ST6GALNAC3: variants seen among roughly 807,000 people sequenced by gnomAD.
The protein encoded by ST6GALNAC3 is ST6 N-acetylgalactosaminide alpha-2,6-sialyltransferase 3.
ST6GALNAC3 carries 25 observed loss-of-function variants against 32.7 expected under a neutral mutation model. The observed-to-expected ratio is 0.76, with a 90% CI of 0.56 to 1.07. ST6GALNAC3 has a LOEUF of 1.07. ST6GALNAC3 is among the 50% of genes least tolerant of loss of function. ST6GALNAC3 has a pLI of 0.00. For synonymous variants in ST6GALNAC3, 129 were observed against 133.1 expected (o/e 0.97, Z 0.21); for missense variants, 355 against 382.4 (o/e 0.93, Z 0.60).
chr1:76,526,037 G>T (rs1277842714), intron 3 of ST6GALNAC3, among the ~76,000 whole-genome samples: 2 of 151,416 alleles, frequency 1.3e-5, no homozygotes, highest in East Asian at 3.9e-4. Context: ...CAGAAAGAGA[G>T]GCTTGATCTT....
At chr1:76,151,360 A>G (rs1651028747) in intron 1 of ST6GALNAC3, among the ~76,000 whole-genome samples, 1 of 152,204 alleles carries the variant, frequency 6.6e-6, no homozygotes, top group African/African-American at 2.4e-5. Context: ...TACTTTCTAC[A>G]TCACAGGCGT....
chr1:76,472,767 T>C (rs574078800), intron 3 of ST6GALNAC3, among the ~76,000 whole-genome samples: 97 of 152,212 alleles, frequency 6.4e-4, no homozygotes, highest in African/African-American at 2.3e-3. Flanking sequence ...TTGGTGCACG[T>C]GCGAAGACAG....
chr1:76,114,724 C>T (rs1363840569), intron 1 of ST6GALNAC3, among the ~76,000 whole-genome samples: 2 of 151,994 alleles, frequency 1.3e-5, no homozygotes, highest in East Asian at 3.9e-4. Context: ...GCCTGGCCAA[C>T]GTGGTGAAAC....
chr1:76,296,419 C>T (rs1346944146), intron 1 of ST6GALNAC3, among the ~76,000 whole-genome samples: 1 of 152,116 alleles, frequency 6.6e-6, no homozygotes, highest in Non-Finnish European at 1.5e-5. Flanking sequence ...GTCTTTGGGT[C>T]ACCCCATTGA....
At chr1:76,134,704 A>G (rs996838600) in intron 1 of ST6GALNAC3, among the ~76,000 whole-genome samples, 1 of 152,124 alleles carries the variant, frequency 6.6e-6, no homozygotes, top group African/African-American at 2.4e-5. Flanking sequence ...CTGCATGGGT[A>G]GTGTTTTACC....
chr1:76,181,592 T>C (rs1342205533), intron 1 of ST6GALNAC3, among the ~76,000 whole-genome samples: 2 of 152,234 alleles, frequency 1.3e-5, no homozygotes, highest in Non-Finnish European at 2.9e-5. Context: ...ATGTGCCTTA[T>C]TACCATGTGT....
At chr1:76,314,351 A>G (rs990536184) in intron 2 of ST6GALNAC3, among the ~76,000 whole-genome samples, 1 of 152,092 alleles carries the variant, frequency 6.6e-6, no homozygotes, top group African/African-American at 2.4e-5. Flanking sequence ...CTGTAGGTCA[A>G]CTGGTTGGGG....
chr1:76,252,472 A>G (rs1051294135), intron 1 of ST6GALNAC3, among the ~76,000 whole-genome samples: 1 of 152,088 alleles, frequency 6.6e-6, no homozygotes, highest in Non-Finnish European at 1.5e-5. Context: ...AAAAGTGTGT[A>G]TCTGTTATCT....
intron 1 of ST6GALNAC3, among the ~76,000 whole-genome samples, chr1:76,192,593 T>C (rs1460866654): frequency 6.6e-6 from 1 of 152,170 alleles, no homozygotes; most frequent in African/African-American, 2.4e-5. Flanking sequence ...TGGGGCCTTG[T>C]TTCAGGGGCT....
intron 1 of ST6GALNAC3, among the ~76,000 whole-genome samples, chr1:76,105,214 CA>C (rs5775323): frequency 0.98 from 149,022 of 152,284 alleles, 72,996 homozygotes; most frequent in East Asian, 1. Flanking sequence ...GATTTTGTCA[CA>C]ATTTGCATGG....
At chr1:76,386,891 A>G (rs2893413) in intron 2 of ST6GALNAC3, among the ~76,000 whole-genome samples, 48,558 of 152,046 alleles carry the variant, frequency 0.32, 8,788 homozygotes, top group Middle Eastern at 0.43. Flanking sequence ...GAGGTTTTTA[A>G]GAGTTCTAAA....
Position 76,360,837 on chromosome 1 carries a change from C to A in ST6GALNAC3, c.213+46838C>A, listed in dbSNP as rs377061543. 1.4e-4 allele frequency among the ~76,000 whole-genome samples: 22 copies of A among 152,232 alleles called. 1 individual carries two copies. Among genetic ancestry groups the A allele is most frequent in the African/African-American group, 5.3e-4 (22 of 41,538 alleles). ...ATTTCAAGTTTAGAACCTCGTTGGCCTTCTGGGAGTCAGAGTCTCAATTTC... is the reference window on the plus strand; with the variant it reads ...ATTTCAAGTTTAGAACCTCGTTGGCATTCTGGGAGTCAGAGTCTCAATTTC... On this transcript the variant is annotated intron_variant, in intron 2 of 4. Coordinates refer to ENST00000328299, the MANE Select transcript of ST6GALNAC3 (RefSeq NM_152996.4).
At chr1:76,367,823 G>GC (rs982536774) in intron 2 of ST6GALNAC3, among the ~76,000 whole-genome samples, 5 of 152,024 alleles carry the variant, frequency 3.3e-5, no homozygotes, top group Admixed American at 2.0e-4. Context: ...GTGAGTTGGT[G>GC]CCCCCCAGTA....
intron 1 of ST6GALNAC3, among the ~76,000 whole-genome samples, chr1:76,207,500 T>G (rs982290265): frequency 3.9e-5 from 6 of 152,210 alleles, no homozygotes; most frequent in Non-Finnish European, 7.3e-5. Flanking sequence ...TCTGGAGACT[T>G]GGAGGTCTAA....
rs527877879 is a variant in ST6GALNAC3 at position 76,597,645 on chromosome 1, A to C, written c.624-29807A>C. Among the ~76,000 whole-genome samples the C allele has an allele frequency of 2.0e-5, 3 of 152,288 alleles. No individual in the cohort carries two copies. In the South Asian group the frequency reaches 6.2e-4, roughly 32 times the overall value. On this transcript the variant is annotated intron_variant, in intron 3 of 4. Coordinates refer to ENST00000328299, the MANE Select transcript of ST6GALNAC3 (RefSeq NM_152996.4). ...TTGCAAAGTCAATGATAGTCAAAGA[A>C]GTTCAAAAATTGGTTACTTTGGACT...
intron 2 of ST6GALNAC3, among the ~76,000 whole-genome samples, chr1:76,341,959 G>A (rs924632119): frequency 1.3e-5 from 2 of 151,980 alleles, no homozygotes; most frequent in Non-Finnish European, 2.9e-5. Flanking sequence ...AACATGTGGT[G>A]TTTGGTTTTC....
chr1:76,289,640 G>T (rs748266787), intron 1 of ST6GALNAC3, among the ~76,000 whole-genome samples: 1 of 152,186 alleles, frequency 6.6e-6, no homozygotes, highest in Non-Finnish European at 1.5e-5. Context: ...AAACCCCTGG[G>T]TTGCACCAAC....
intron 1 of ST6GALNAC3, among the ~76,000 whole-genome samples, chr1:76,234,293 T>C (rs1264710768): frequency 6.6e-6 from 1 of 152,196 alleles, no homozygotes; most frequent in Non-Finnish European, 1.5e-5. Flanking sequence ...CCTTCTAGGA[T>C]CTGAGATCCC....
intron 3 of ST6GALNAC3, among the ~76,000 whole-genome samples, chr1:76,535,796 G>T (rs1451261007): frequency 6.7e-6 from 1 of 149,142 alleles, no homozygotes; most frequent in African/African-American, 2.6e-5. Context: ...GCATGAGCTT[G>T]TTTGTTGCTA....
Sources: allele counts gnomAD v4.1 joint callset (sites outside exome capture counted in the v4.1 genomes callset), GRCh38; gene constraint gnomAD v4.1.1; transcripts MANE v1.5; gene names NCBI Gene and HGNC (gene_info 2026-07-23, HGNC 2026-07-21).